The following KCNH1 variants were observed in gnomAD, a reference collection of about 807,000 sequenced individuals.
KCNH1 encodes the protein voltage-gated delayed rectifier potassium channel KCNH1.
Under a neutral mutation model 69.2 loss-of-function variants are expected in KCNH1, and 27 were observed. The ratio of observed to expected loss-of-function variants is 0.39; its 90% confidence interval spans 0.29 to 0.54. The LOEUF (loss-of-function observed/expected upper bound fraction) is 0.54, where lower values mean the gene tolerates loss of function less well. Ranked by LOEUF, KCNH1 falls within the 20% of genes least tolerant of loss-of-function variation. The pLI is 0.68. For missense variants in KCNH1, 798 were observed against 1,261.6 expected, an observed-to-expected ratio of 0.63 and a Z score of 5.57; for synonymous variants, 456 against 487.7, an observed-to-expected ratio of 0.93 and a Z score of 0.86.
chr1:210,825,535 G>C (rs944153557), intron 7 of KCNH1, among the ~76,000 whole-genome samples: 1 of 152,160 alleles, frequency 6.6e-6, no homozygotes, highest in African/African-American at 2.4e-5. Flanking sequence ...TATCAATGCA[G>C]TGAAACAGGC....
intron 10 of KCNH1, among the ~76,000 whole-genome samples, chr1:210,743,772 C>A (rs1934632): frequency 6.6e-6 from 1 of 151,964 alleles, no homozygotes; most frequent in Non-Finnish European, 1.5e-5. Flanking sequence ...CATTGACCCC[C>A]AAAATATCAA....
intron 7 of KCNH1, among the ~76,000 whole-genome samples, chr1:210,904,759 GC>G (rs1183748483): frequency 3.3e-5 from 5 of 152,170 alleles, no homozygotes; most frequent in Non-Finnish European, 4.4e-5. Flanking sequence ...TTCAGCACTT[GC>G]TATCTGCCAG....
intron 5 of KCNH1, among the ~76,000 whole-genome samples, chr1:211,032,536 A>T (rs887065380): frequency 2.0e-5 from 3 of 152,208 alleles, no homozygotes; most frequent in Admixed American, 6.5e-5. Flanking sequence ...AGTAACCAAA[A>T]CAGCATGGTA....
intron 5 of KCNH1, among the ~76,000 whole-genome samples, chr1:211,035,238 T>A (rs922908426): frequency 1.5e-4 from 3 of 19,736 alleles, no homozygotes; most frequent in South Asian, 2.4e-3. Flanking sequence ...CTGGCATTCT[T>A]TTTTTTTTTT....
intron 7 of KCNH1, among the ~76,000 whole-genome samples, chr1:210,871,238 A>G (rs551880691): frequency 6.6e-5 from 10 of 152,306 alleles, no homozygotes; most frequent in South Asian, 2.1e-4. Flanking sequence ...AAAAGTGGGC[A>G]AAGGACATGA....
intron 6 of KCNH1, among the ~76,000 whole-genome samples, chr1:211,000,247 G>T (rs1212574400): frequency 6.6e-6 from 1 of 152,156 alleles, no homozygotes; most frequent in Non-Finnish European, 1.5e-5. Flanking sequence ...TGTCATGATT[G>T]TATATCTAGA....
At chr1:211,048,718 A>G (rs1690138108) in intron 5 of KCNH1, among the ~76,000 whole-genome samples, 2 of 152,204 alleles carry the variant, frequency 1.3e-5, no homozygotes, top group Non-Finnish European at 2.9e-5. Flanking sequence ...GTGAGGAATA[A>G]AAGACTGCAC....
Position 211,039,530 on chromosome 1 carries a change from A to T in KCNH1, c.559-20274T>A, listed in dbSNP as rs538691965. On this transcript the variant is annotated intron_variant, in intron 5 of 10. Coordinates refer to ENST00000271751, the MANE Select transcript of KCNH1 (RefSeq NM_172362.3). ...AGCCACAGACACTCAACGCCAGCCC[A>T]TTAAAGCAAATGGGAGGGAGGCTGT... Among the ~76,000 whole-genome samples, 19 of 152,316 alleles carry T rather than the reference A, an allele frequency of 1.2e-4. No individual in the cohort carries two copies. The South Asian group carries it at 3.9e-3, about 32-fold the overall frequency.
chr1:211,043,067 G>C (rs1017194117), intron 5 of KCNH1, among the ~76,000 whole-genome samples: 2 of 151,854 alleles, frequency 1.3e-5, no homozygotes, highest in Admixed American at 6.6e-5. Flanking sequence ...ACAAGAACAA[G>C]CCAAACCCAA....
At position 210,910,109 on chromosome 1, in the gene KCNH1, G is replaced by A. The variant is rs938476807; in HGVS notation, c.1462+9531C>T. Among the ~76,000 whole-genome samples, 5 of 141,734 alleles carry A rather than the reference G, an allele frequency of 3.5e-5. No individual in the cohort carries two copies. In the Admixed American group the frequency reaches 3.7e-4, roughly 10 times the overall value. 93.0% of individuals were successfully genotyped at this position (141,734 alleles called of 152,430 possible). On this transcript the variant is annotated intron_variant, in intron 7 of 10. Transcript: ENST00000271751. ...CACCAAAAAAAAATTTCATCAAATT[G>A]GCCTTACTGCAAAATGTTGCAATCC...
chr1:210,735,818 C>G lies in KCNH1; in HGVS notation c.2112+39530G>C, dbSNP rs527883002. On this transcript the variant is annotated intron_variant, in intron 10 of 10. Coordinates refer to ENST00000271751, the MANE Select transcript of KCNH1 (RefSeq NM_172362.3). ...ACACAGACACACACACACACACACA[C>G]ACAGAGAGAGAGAGAGAGAGAGAGC... 4.7e-5 allele frequency among the ~76,000 whole-genome samples: 7 copies of G among 149,932 alleles called. No individual in the cohort carries two copies. In the South Asian group the frequency reaches 1.3e-3, roughly 27 times the overall value.
At chr1:210,790,916 C>A (rs1426961099) in intron 9 of KCNH1, among the ~76,000 whole-genome samples, 1 of 152,202 alleles carries the variant, frequency 6.6e-6, no homozygotes, top group Non-Finnish European at 1.5e-5. Context: ...CTTCCCAAGC[C>A]CCATATCCCA....
intron 7 of KCNH1, chr1:210,860,741 T>C: frequency 1.3e-6 from 1 of 786,692 alleles, no homozygotes; most frequent in Non-Finnish European, 2.3e-6. Flanking sequence ...GCTTCCACTT[T>C]CACAGGCATG....
chr1:211,018,739 G>A lies in KCNH1; in HGVS notation c.1032+44C>T, dbSNP rs761840440. 2.7e-6 allele frequency: 4 copies of A among 1,478,268 alleles called. No homozygotes were observed. In the South Asian group the frequency reaches 5.2e-5, roughly 19 times the overall value. The allele number at this position is 1,478,268 out of a possible 1,614,324, so 91.6% of individuals were successfully genotyped here. On this transcript the variant is annotated intron_variant, in intron 6 of 10. Transcript: ENST00000271751. ...CTGTTGACCACCCACATTTAACTCAGTTTTAAAGACATGACAACAAGGTCT... is the reference window on the plus strand; with the variant it reads ...CTGTTGACCACCCACATTTAACTCAATTTTAAAGACATGACAACAAGGTCT...
At chr1:210,916,710 G>GA (rs1166250335) in intron 7 of KCNH1, among the ~76,000 whole-genome samples, 4 of 152,140 alleles carry the variant, frequency 2.6e-5, no homozygotes, top group Non-Finnish European at 5.9e-5. Flanking sequence ...GTCATGAGCA[G>GA]AAAAAATTGT....
At chr1:210,742,707 C>T (rs952701188) in intron 10 of KCNH1, among the ~76,000 whole-genome samples, 4 of 152,088 alleles carry the variant, frequency 2.6e-5, no homozygotes, top group African/African-American at 9.7e-5. Context: ...CTCAGGGGCT[C>T]AAGGAGAAGC....
At chr1:210,709,540 A>G (rs914225619) in intron 10 of KCNH1, among the ~76,000 whole-genome samples, 8 of 152,220 alleles carry the variant, frequency 5.3e-5, no homozygotes, top group Admixed American at 3.9e-4. Flanking sequence ...TAGCAAACTA[A>G]CACAGACTTA....
intron 7 of KCNH1, among the ~76,000 whole-genome samples, chr1:210,897,523 T>G (rs542127478): frequency 1.3e-5 from 2 of 152,102 alleles, no homozygotes; most frequent in African/African-American, 4.8e-5. Context: ...AGGACACCCC[T>G]GCCCTCTGTT....
chr1:210,867,262 T>C (rs534138810), intron 7 of KCNH1, among the ~76,000 whole-genome samples: 1 of 151,734 alleles, frequency 6.6e-6, no homozygotes, highest in South Asian at 2.1e-4. Context: ...GCAAATTGTA[T>C]GGTAGGTGAG....
Sources: gnomAD v4.1 joint callset for allele counts (sites outside exome capture counted in the v4.1 genomes callset) on GRCh38, gnomAD v4.1.1 for gene constraint, MANE v1.5 for transcripts, NCBI Gene and HGNC (gene_info 2026-07-23, HGNC 2026-07-21) for gene names.